SLC7A14: variants seen among roughly 807,000 people sequenced by gnomAD.
SLC7A14 encodes gamma-aminobutyric acid transporter SLC7A14.
In SLC7A14, 37 loss-of-function variants were observed where a neutral mutation model predicts 60.2. That is an observed-to-expected ratio of 0.61 (90% CI 0.47 to 0.81). The LOEUF is 0.81. Ranked by LOEUF, SLC7A14 falls within the 30% of genes least tolerant of loss-of-function variation. The pLI is 0.00. For missense variants in SLC7A14, 886 were observed against 982.7 expected, an observed-to-expected ratio of 0.90 and a Z score of 1.32; for synonymous variants, 399 against 395.8, an observed-to-expected ratio of 1.01 and a Z score of -0.10.
chr3:170,499,101 G>A (rs1464629886), intron 3 of SLC7A14, among the ~76,000 whole-genome samples: 1 of 151,712 alleles, frequency 6.6e-6, no homozygotes, highest in East Asian at 1.9e-4. Context: ...GCCGGGTGTG[G>A]TGGCGGGCGC....
intron 2 of SLC7A14, among the ~76,000 whole-genome samples, chr3:170,501,867 A>T (rs1712619439): frequency 6.6e-6 from 1 of 152,246 alleles, no homozygotes; most frequent in African/African-American, 2.4e-5. Context: ...TAACAAGGAA[A>T]TCTAGCACAT....
chr3:170,526,609 A>C, intron 2 of SLC7A14, 24 bp downstream of exon 2: 1 of 1,608,704 alleles, frequency 6.2e-7, no homozygotes, highest in Non-Finnish European at 8.5e-7. Flanking sequence ...TTTCCACAGT[A>C]CTTCCCTGCA....
chr3:170,526,374 C>T (rs890323913), intron 2 of SLC7A14, among the ~76,000 whole-genome samples: 3 of 149,320 alleles, frequency 2.0e-5, no homozygotes, highest in Non-Finnish European at 3.0e-5. Flanking sequence ...TGCACTCCAG[C>T]CTGGGCGACA....
At position 170,465,969 on chromosome 3, in the gene SLC7A14, G is replaced by C. The variant is rs1739708065; in HGVS notation, c.*1086C>G. The C allele has an allele frequency of 6.6e-6, 1 of 152,250 alleles. No homozygotes were observed. Among genetic ancestry groups the C allele is most frequent in the East Asian group, 1.9e-4 (1 of 5,188 alleles). The allele number at this position is 152,250 out of a possible 1,614,324, so 9.4% of individuals were successfully genotyped here. ...AAAATACACCTCTGAAAGTGAGCTA[G>C]CCCCAAGGAATAAGGTTCAGAAGTG... On this transcript the variant is annotated 3_prime_UTR_variant, in exon 8 of 8. Transcript: ENST00000231706.
At chr3:170,488,692 C>A (rs1712114346) in intron 4 of SLC7A14, among the ~76,000 whole-genome samples, 1 of 152,152 alleles carries the variant, frequency 6.6e-6, no homozygotes, top group Non-Finnish European at 1.5e-5. Context: ...CTACAAAAAT[C>A]AAATCAAAAT....
At chr3:170,505,958 C>T (rs1390024876) in intron 2 of SLC7A14, among the ~76,000 whole-genome samples, 1 of 151,726 alleles carries the variant, frequency 6.6e-6, no homozygotes, top group Admixed American at 6.6e-5. Flanking sequence ...AAAAATTTTG[C>T]CCCTGAGTTA....
intron 1 of SLC7A14, among the ~76,000 whole-genome samples, chr3:170,542,610 T>C (rs1415106606): frequency 6.6e-6 from 1 of 152,260 alleles, no homozygotes; most frequent in Non-Finnish European, 1.5e-5. Context: ...TCTCAAGCAC[T>C]CAGTGTTGTT....
chr3:170,585,327 G>A lies in SLC7A14; in HGVS notation c.-153+584C>T, dbSNP rs1390309702. ...TCCGGGGACAGACGCCCCTCGGGGC[G>A]CCACCATCCTGGTCGGGGTGCTGGG... is the stretch of plus-strand genomic sequence containing the variant. On this transcript the variant is annotated intron_variant, in intron 1 of 7. Transcript: ENST00000231706. This position sits in a 1 kb window ranked among gnomAD's most constrained non-coding sequence, Gnocchi z 5.1. 6.6e-6 allele frequency among the ~76,000 whole-genome samples: 1 copy of A among 152,144 alleles called. No individual in the cohort carries two copies.
intron 2 of SLC7A14, among the ~76,000 whole-genome samples, chr3:170,502,104 T>C (rs1378752314): frequency 6.6e-6 from 1 of 152,066 alleles, no homozygotes; most frequent in East Asian, 1.9e-4. Flanking sequence ...TATGTAGGGA[T>C]TAATTGGATG....
chr3:170,532,650 T>A lies in SLC7A14; in HGVS notation c.-152-5562A>T, dbSNP rs77744770. 0.034 allele frequency among the ~76,000 whole-genome samples: 5,201 copies of A among 151,694 alleles called. 264 individuals carry two copies. Among genetic ancestry groups the A allele is most frequent in the African/African-American group, 0.12 (4,872 of 41,420 alleles). On this transcript the variant is annotated intron_variant, in intron 1 of 7. Transcript: ENST00000231706. The surrounding 1 kb of genome is among the most constrained non-coding windows in gnomAD (Gnocchi z 4.0). ...GTGGGAGCGTTAGCTAGCATCACCC[T>A]GCTGTGGCCCCTGACCAGGTGTTTT...
chr3:170,581,652 C>A (rs749583764), intron 1 of SLC7A14, among the ~76,000 whole-genome samples: 20 of 152,142 alleles, frequency 1.3e-4, no homozygotes, highest in East Asian at 5.8e-4. Context: ...TCAGCCTGAA[C>A]TACCCTATTT....
At position 170,527,050 on chromosome 3, in the gene SLC7A14, C is replaced by T. The variant is rs760230519; in HGVS notation, c.-114G>A. 2.2e-5 allele frequency: 25 copies of T among 1,136,252 alleles called. No individual in the cohort carries two copies. The highest frequency in any genetic ancestry group is 3.0e-5 in the Non-Finnish European group (25 of 820,232). 70.4% of individuals were successfully genotyped at this position (1,136,252 alleles called of 1,614,324 possible). A position where few individuals can be genotyped will look rare whatever the true frequency, so the allele number is the denominator to read the frequency against. On this transcript the variant is annotated 5_prime_UTR_variant, in exon 2 of 8. Coordinates refer to ENST00000231706, the MANE Select transcript of SLC7A14 (RefSeq NM_020949.3). ...AGGGATCTCCCTTTTAGGAAAGGCC[C>T]AGAGGGACCCAGTGCAGCCTTCTCC...
chr3:170,553,171 C>T (rs9859615), intron 1 of SLC7A14, among the ~76,000 whole-genome samples: 6,594 of 152,230 alleles, frequency 0.043, 450 homozygotes, highest in African/African-American at 0.14. Context: ...TGTAAGTGCC[C>T]TGTCTTGTTC....
At chr3:170,499,885 G>T (rs1052223751) in intron 3 of SLC7A14, among the ~76,000 whole-genome samples, 5 of 152,180 alleles carry the variant, frequency 3.3e-5, no homozygotes, top group African/African-American at 9.7e-5. Flanking sequence ...GTAAAGTGAA[G>T]GACATGAATG....
chr3:170,560,088 A>G (rs1031331487), intron 1 of SLC7A14, among the ~76,000 whole-genome samples: 2 of 152,242 alleles, frequency 1.3e-5, no homozygotes, highest in African/African-American at 4.8e-5. Context: ...TACATTAGCT[A>G]TCGGGTTGGA....
rs1045780724 is a variant in SLC7A14, at chr3:170,466,764, A to G, written c.*291T>C. On this transcript the variant is annotated 3_prime_UTR_variant, in exon 8 of 8. Transcript: ENST00000231706. ...AACCAGCAAAGCAAAGGCCTAGGAA[A>G]CATTTGGTACCATCAGCTCTGGTGG... is the stretch of plus-strand genomic sequence containing the variant. 7.1e-6 allele frequency: 2 copies of G among 279,912 alleles called. No individual in the cohort carries two copies. The highest frequency in any genetic ancestry group is 1.3e-5 in the Non-Finnish European group (2 of 149,242). The allele number at this position is 279,912 out of a possible 1,614,324, so 17.3% of individuals were successfully genotyped here.
At chr3:170,544,181 T>C (rs1210167995) in intron 1 of SLC7A14, among the ~76,000 whole-genome samples, 1 of 152,186 alleles carries the variant, frequency 6.6e-6, no homozygotes, top group Non-Finnish European at 1.5e-5. Context: ...GCCTGTGATT[T>C]GGGTCTGGCC....
rs1713813870 is a variant in SLC7A14, at chr3:170,535,586, A to C, written c.-152-8498T>G. Among the ~76,000 whole-genome samples the C allele has an allele frequency of 6.6e-6, 1 of 152,164 alleles. No homozygotes were observed. Among genetic ancestry groups the C allele is most frequent in the Non-Finnish European group, 1.5e-5 (1 of 68,026 alleles). On this transcript the variant is annotated intron_variant, in intron 1 of 7. Coordinates refer to ENST00000231706, the MANE Select transcript of SLC7A14 (RefSeq NM_020949.3). The surrounding 1 kb of genome is among the most constrained non-coding windows in gnomAD (Gnocchi z 4.3). Reference sequence around the variant, plus strand: ...CCACTGGCTGTGTCCTGGGGAGCTGACATGCTCCCTTGCCCTCTGGTTGGA... The same window carrying C: ...CCACTGGCTGTGTCCTGGGGAGCTGCCATGCTCCCTTGCCCTCTGGTTGGA...
chr3:170,466,914 A>C lies in SLC7A14; in HGVS notation c.*141T>G. On this transcript the variant is annotated 3_prime_UTR_variant, in exon 8 of 8. Coordinates refer to ENST00000231706, the MANE Select transcript of SLC7A14 (RefSeq NM_020949.3). ...ACTATCCTGAAGAGCAAAAGTAGCA[A>C]ATGACAGGCTATGACTAGGGATTGA... The C allele has an allele frequency of 1.4e-6, 1 of 727,930 alleles. No individual in the cohort carries two copies. The highest frequency in any genetic ancestry group is 2.3e-6 in the Non-Finnish European group (1 of 439,878). The allele number at this position is 727,930 out of a possible 1,614,324, so 45.1% of individuals were successfully genotyped here. A position where few individuals can be genotyped will look rare whatever the true frequency, so the allele number is the denominator to read the frequency against.
Sources: allele counts gnomAD v4.1 joint callset (sites outside exome capture counted in the v4.1 genomes callset), GRCh38; gene constraint gnomAD v4.1.1; non-coding constraint Gnocchi (gnomAD v3.1); transcripts MANE v1.5; gene names NCBI Gene and HGNC (gene_info 2026-07-23, HGNC 2026-07-21).